The following LRP8 variants were observed in gnomAD, a reference collection of about 807,000 sequenced individuals.
LRP8 encodes the protein LDL receptor related protein 8, also known as low-density lipoprotein receptor-related protein 8.
Under a neutral mutation model 111.6 loss-of-function variants are expected in LRP8, and 46 were observed. The observed-to-expected ratio is 0.41, with a 90% CI of 0.33 to 0.53. The LOEUF is 0.53. Ranked by LOEUF, LRP8 falls within the 20% of genes least tolerant of loss-of-function variation. The probability of loss-of-function intolerance (pLI) is 0.20; values close to 1 mark genes in which losing one functional copy is unlikely to be tolerated. For synonymous variants in LRP8, 464 were observed against 511.2 expected (o/e 0.91, Z 1.24); for missense variants, 959 against 1,297.4 (o/e 0.74, Z 4.01).
At chr1:53,320,305 CCT>C (rs1178139724) in intron 2 of LRP8, among the ~76,000 whole-genome samples, 1 of 152,220 alleles carries the variant, frequency 6.6e-6, no homozygotes, top group Non-Finnish European at 1.5e-5. Context: ...CTGAGAGCAC[CCT>C]GTTCCCGGAT....
In LRP8 at chr1:53,245,335, C is replaced by G. The variant is rs61769622; in HGVS notation, c.*1683G>C. On this transcript the variant is annotated 3_prime_UTR_variant, in exon 19 of 19. Coordinates refer to ENST00000306052, the MANE Select transcript of LRP8 (RefSeq NM_004631.5). ...CATGTTGCACCTTGTCCCTGGTTGT[C>G]TAGTGGGAGTAAGTGGCAGAACAGC... The G allele has an allele frequency of 3.3e-5, 5 of 152,158 alleles. No individual in the cohort carries two copies. The allele number at this position is 152,158 out of a possible 1,614,324, so 9.4% of individuals were successfully genotyped here.
chr1:53,282,710 T>C (rs537339301), intron 3 of LRP8, among the ~76,000 whole-genome samples: 1 of 152,258 alleles, frequency 6.6e-6, no homozygotes, highest in South Asian at 2.1e-4. Context: ...GGATCTGCAT[T>C]TTAGTAACTC....
chr1:53,311,913 A>G (rs1250381064), intron 2 of LRP8, among the ~76,000 whole-genome samples: 1 of 152,236 alleles, frequency 6.6e-6, no homozygotes, highest in African/African-American at 2.4e-5. Flanking sequence ...AAGGGCCACC[A>G]TGAGCCTGGA....
intron 2 of LRP8, among the ~76,000 whole-genome samples, chr1:53,312,525 AT>A (rs568797655): frequency 0.012 from 1,708 of 145,122 alleles, 19 homozygotes; most frequent in African/African-American, 0.032. Flanking sequence ...CACCTGGCTA[AT>A]TTTTTTTTTT....
intron 3 of LRP8, among the ~76,000 whole-genome samples, chr1:53,289,003 G>A (rs765848538): frequency 8.5e-5 from 13 of 152,164 alleles, no homozygotes; most frequent in Non-Finnish European, 1.9e-4. Context: ...ATGGAGGCAG[G>A]AGCTCCTAGG....
rs1646391382 is a variant in LRP8, at chr1:53,262,724, G to C, written c.1656-160C>G. Among the ~76,000 whole-genome samples, 1 of 152,204 alleles carries C rather than the reference G, an allele frequency of 6.6e-6. No homozygotes were observed. The highest frequency in any genetic ancestry group is 2.1e-4 in the South Asian group (1 of 4,832). ...TTTGAACCATCAAATCTTAGATTTA[G>C]CAGGCACTTTAGCCTTCACCTCATT... On this transcript the variant is annotated intron_variant, in intron 10 of 18. Transcript: ENST00000306052. The surrounding 1 kb of genome is among the most constrained non-coding windows in gnomAD (Gnocchi z 4.8).
Position 53,326,886 on chromosome 1 carries a change from G to T in LRP8, c.231C>A (p.Asp77Glu), listed in dbSNP as rs1655202378. Residue 77 changes from aspartate (D) to glutamate (E), a missense_variant, in exon 2 of 19, where the codon GAC becomes GAA. This residue lies in a region of LRP8 where 97 missense variants were observed against 107.5 expected (regional missense o/e 0.90). Coordinates refer to ENST00000306052, the MANE Select transcript of LRP8 (RefSeq NM_004631.5). ...CCCGCCACTCACGGCAGTCGTCCTC[G>T]TCGCTGTGGTCTAAGCAGTCATCGT... ...DEDDDCLDHSDEDDCPKKTCA... is the reference protein window; with the variant it reads ...DEDDDCLDHSEEDDCPKKTCA... 6.2e-7 allele frequency: 1 copy of T among 1,612,882 alleles called. No individual in the cohort carries two copies. The highest frequency in any genetic ancestry group is 8.5e-7 in the Non-Finnish European group (1 of 1,179,624).
chr1:53,296,688 G>A (rs2100483119), intron 2 of LRP8, among the ~76,000 whole-genome samples: 1 of 152,328 alleles, frequency 6.6e-6, no homozygotes, highest in East Asian at 1.9e-4. Context: ...TCAACAGGAT[G>A]ACAGACCCAG....
At chr1:53,252,999 C>T (rs1260661135) in intron 16 of LRP8, among the ~76,000 whole-genome samples, 3 of 152,022 alleles carry the variant, frequency 2.0e-5, no homozygotes, top group South Asian at 2.1e-4. Flanking sequence ...ATAAAGATGA[C>T]GTGCAAGTCA....
At chr1:53,255,058 C>T (rs2100352831) in intron 16 of LRP8, 59 bp downstream of exon 16, 1 of 1,569,884 alleles carries the variant, frequency 6.4e-7, no homozygotes, top group Non-Finnish European at 8.7e-7. Context: ...TGCTAGCGCT[C>T]TTCCCTAGGC....
In LRP8 at chr1:53,270,934, T is replaced by C. The variant is rs1646741262; in HGVS notation, c.1252+94A>G. The C allele has an allele frequency of 2.6e-6, 4 of 1,568,572 alleles. No individual in the cohort carries two copies. The African/African-American group carries it at 4.0e-5, about 16-fold the overall frequency. On this transcript the variant is annotated intron_variant, in intron 8 of 18. Coordinates refer to ENST00000306052, the MANE Select transcript of LRP8 (RefSeq NM_004631.5). Reference sequence around the variant, plus strand: ...GTAACACAACCTGCCTTCTTGTGTGTGCGCACATGTACACGCCCACTCCTC... The same window carrying C: ...GTAACACAACCTGCCTTCTTGTGTGCGCGCACATGTACACGCCCACTCCTC...
chr1:53,291,952 C>G (rs992006248), intron 2 of LRP8: 2 of 152,216 alleles, frequency 1.3e-5, no homozygotes, highest in African/African-American at 4.8e-5. Flanking sequence ...CAGCAAGAAT[C>G]CAGCTTGGGG....
chr1:53,261,659 A>C (rs1340544158), intron 12 of LRP8, among the ~76,000 whole-genome samples: 3 of 152,234 alleles, frequency 2.0e-5, no homozygotes, highest in Non-Finnish European at 4.4e-5. Context: ...AGGTCAATAA[A>C]AGTGTGCAGA....
chr1:53,324,812 TCACACTCCTGGTGCTTTCCGCAC>T (rs2100555131), intron 2 of LRP8, among the ~76,000 whole-genome samples: 1 of 152,252 alleles, frequency 6.6e-6, no homozygotes, highest in East Asian at 1.9e-4. Flanking sequence ...AGCTCCTAGA[TCACACTCCTGGTGCTTTCCGCAC>T]CACACTCCCC....
chr1:53,247,723 T>A (rs1304586764), intron 18 of LRP8, among the ~76,000 whole-genome samples: 1 of 152,232 alleles, frequency 6.6e-6, no homozygotes, highest in Admixed American at 6.5e-5. Context: ...ATGTGAAATT[T>A]GTTTGTTTAT....
intron 10 of LRP8, 88 bp downstream of exon 10, chr1:53,264,081 C>G (rs1646451755): frequency 1.5e-6 from 2 of 1,325,328 alleles, no homozygotes; most frequent in Admixed American, 3.9e-5. Flanking sequence ...CCAGAGCTTT[C>G]TAGAACCCTC....
rs535931085 is a variant in LRP8 at position 53,327,001 on chromosome 1, G to C, written c.125-9C>G. On this transcript the variant is annotated splice_polypyrimidine_tract_variant and intron_variant, in intron 1 of 18. Transcript: ENST00000306052. ...GCAATCCTTGGCCGGCCCTGCGAGG[G>C]GGAGGGAGCGTGAGCTGGATCAGCG... The C allele has an allele frequency of 5.0e-5, 80 of 1,611,876 alleles. 1 individual carries two copies. In the South Asian group the frequency reaches 6.6e-4, roughly 13 times the overall value.
chr1:53,263,243 A>G lies in LRP8; in HGVS notation c.1656-679T>C, dbSNP rs58920595. Among the ~76,000 whole-genome samples the G allele has an allele frequency of 8.4e-3, 1,282 of 152,280 alleles. 15 individuals carry two copies. The highest frequency in any genetic ancestry group is 0.029 in the African/African-American group (1,197 of 41,546). On this transcript the variant is annotated intron_variant, in intron 10 of 18. Coordinates refer to ENST00000306052, the MANE Select transcript of LRP8 (RefSeq NM_004631.5). ...GTGAGGGTAAGAGGAGAGGCTCCGT[A>G]TCTGTCAGAGTGCCTAGTTCTGTGC...
intron 4 of LRP8, among the ~76,000 whole-genome samples, chr1:53,278,255 C>A (rs1160104350): frequency 6.6e-6 from 1 of 152,206 alleles, no homozygotes; most frequent in Non-Finnish European, 1.5e-5. Context: ...GTTTTTCCAG[C>A]TGTTTTTCAG....
Sources: allele counts gnomAD v4.1 joint callset (sites outside exome capture counted in the v4.1 genomes callset), GRCh38; gene constraint gnomAD v4.1.1; regional missense constraint gnomAD v4.1.1; non-coding constraint Gnocchi (gnomAD v3.1); transcripts MANE v1.5; gene names NCBI Gene and HGNC (gene_info 2026-07-23, HGNC 2026-07-21).